QKI: variants seen among roughly 807,000 people sequenced by gnomAD.
The protein encoded by QKI is KH domain-containing RNA-binding protein QKI.
In QKI, 10 loss-of-function variants were observed where a neutral mutation model predicts 39.0. The ratio of observed to expected loss-of-function variants is 0.26; its 90% CI spans 0.16 to 0.43. The LOEUF (loss-of-function observed/expected upper bound fraction) is 0.43. Among genes scored for constraint, QKI ranks in the 20% least tolerant of loss-of-function variants. The pLI is 1.00. For synonymous variants in QKI, 204 were observed against 155.4 expected (o/e 1.31, Z -2.33); for missense variants, 218 against 428.0 (o/e 0.51, Z 4.33).
intron 1 of QKI, among the ~76,000 whole-genome samples, chr6:163,441,347 A>G (rs1197466450): frequency 1.3e-5 from 2 of 152,204 alleles, no homozygotes; most frequent in African/African-American, 2.4e-5. Context: ...TAAGCTAGCT[A>G]GAATTGTCAA....
chr6:163,485,661 A>G (rs1777616320), intron 3 of QKI, among the ~76,000 whole-genome samples: 1 of 151,926 alleles, frequency 6.6e-6, no homozygotes, highest in Non-Finnish European at 1.5e-5. Flanking sequence ...CTTCTCTCCC[A>G]TTGTGTTGAT....
chr6:163,443,233 T>C (rs948776421), intron 1 of QKI, among the ~76,000 whole-genome samples: 2 of 152,250 alleles, frequency 1.3e-5, no homozygotes, highest in Non-Finnish European at 2.9e-5. Flanking sequence ...CTTGTTGTAG[T>C]TCCTTTTGGA....
intron 3 of QKI, among the ~76,000 whole-genome samples, chr6:163,529,430 A>G (rs1005357386): frequency 4.6e-5 from 7 of 152,240 alleles, no homozygotes; most frequent in Admixed American, 3.9e-4. Flanking sequence ...TGTCAAGAGT[A>G]TGAAAATCAG....
intron 4 of QKI, among the ~76,000 whole-genome samples, chr6:163,544,388 T>A (rs1316033344): frequency 1.3e-5 from 2 of 152,034 alleles, no homozygotes; most frequent in Non-Finnish European, 2.9e-5. Context: ...CTGGAACCAG[T>A]TCCCCGCAGA....
intron 4 of QKI, among the ~76,000 whole-genome samples, chr6:163,544,557 A>G (rs1039236945): frequency 2.0e-5 from 3 of 152,048 alleles, no homozygotes; most frequent in Admixed American, 6.6e-5. Context: ...ACTCATCCTC[A>G]AGATATCAGT....
chr6:163,465,779 A>T (rs1023733336), intron 2 of QKI, among the ~76,000 whole-genome samples: 1 of 152,144 alleles, frequency 6.6e-6, no homozygotes, highest in African/African-American at 2.4e-5. Context: ...ACAAAAATCA[A>T]CATACAAAAA....
intron 3 of QKI, among the ~76,000 whole-genome samples, chr6:163,481,063 G>A (rs527640955): frequency 1.3e-5 from 2 of 152,230 alleles, no homozygotes; most frequent in Admixed American, 6.5e-5. Flanking sequence ...TAAAAGTAAA[G>A]TCAGAATGGA....
chr6:163,415,914 A>G (rs1259598873), intron 1 of QKI: 1 of 513,550 alleles, frequency 1.9e-6, no homozygotes, highest in Non-Finnish European at 3.9e-6. Context: ...GGGGCTCGTT[A>G]GTTTAAAGAA....
rs78790539 is a variant in QKI, at chr6:163,489,185, G to C, written c.402+10289G>C. On this transcript the variant is annotated intron_variant, in intron 3 of 7. Coordinates refer to ENST00000361752, the MANE Select transcript of QKI (RefSeq NM_006775.3). ...TTTTTTTTTTTTGCCGTTACAAAAAGGTATAGTGCTGTGTTGAAAAGTGTT... is the reference window on the plus strand; with the variant it reads ...TTTTTTTTTTTTGCCGTTACAAAAACGTATAGTGCTGTGTTGAAAAGTGTT... 7.9e-3 allele frequency among the ~76,000 whole-genome samples: 1,172 copies of C among 148,388 alleles called. 17 individuals carry two copies. Among genetic ancestry groups the C allele is most frequent in the African/African-American group, 0.028 (1,109 of 40,180 alleles).
intron 1 of QKI, among the ~76,000 whole-genome samples, chr6:163,426,016 A>G (rs1788374081): frequency 6.6e-6 from 1 of 152,228 alleles, no homozygotes; most frequent in African/African-American, 2.4e-5. Flanking sequence ...TTCTATCCCT[A>G]GAGAGATACA....
chr6:163,463,955 C>T lies in QKI; in HGVS notation c.285+8534C>T, dbSNP rs1226393674. ...CCCTGTAACACTTCTTTTCTTATTTCTTCCTTCCCACCAAACATGCTCAGC... is the reference window on the plus strand; with the variant it reads ...CCCTGTAACACTTCTTTTCTTATTTTTTCCTTCCCACCAAACATGCTCAGC... On this transcript the variant is annotated intron_variant, in intron 2 of 7. Coordinates refer to ENST00000361752, the MANE Select transcript of QKI (RefSeq NM_006775.3). Among the ~76,000 whole-genome samples, 5 of 152,234 alleles carry T rather than the reference C, an allele frequency of 3.3e-5. No homozygotes were observed. In the East Asian group the frequency reaches 9.6e-4, roughly 29 times the overall value.
At chr6:163,427,243 C>CTTTTTT (rs11375326) in intron 1 of QKI, among the ~76,000 whole-genome samples, 83 of 85,790 alleles carry the variant, frequency 9.7e-4, no homozygotes, top group East Asian at 2.2e-3. Flanking sequence ...ATACTCGTAC[C>CTTTTTT]TTTTTTTTTT....
rs1783186118 is a variant in QKI at position 163,563,851 on chromosome 6, T to A, written c.934+132T>A. On this transcript the variant is annotated intron_variant, in intron 6 of 7. Transcript: ENST00000361752. Reference sequence around the variant, plus strand: ...CATTAGGGAAGACCGAAAACTAAATTTTGTTTTATTTCAGCCTCTCATAAG... The same window carrying A: ...CATTAGGGAAGACCGAAAACTAAATATTGTTTTATTTCAGCCTCTCATAAG... The A allele has an allele frequency of 2.7e-6, 4 of 1,455,132 alleles. No homozygotes were observed. The Middle Eastern group carries it at 1.0e-3, about 374-fold the overall frequency. 90.1% of individuals were successfully genotyped at this position (1,455,132 alleles called of 1,614,324 possible).
chr6:163,566,783 A>G lies in QKI; in HGVS notation c.997A>G (p.Thr333Ala). The stretch of plus-strand genomic sequence containing the variant: ...TGTCCATCCTTACCAAAGGATTGTG[A>G]CCGCAGACCGAGGTTAGTTTAGTTC... ...MRVHPYQRIVTADRAATGN is the reference protein window; with the variant it reads ...MRVHPYQRIVAADRAATGN Residue 333 changes from threonine (T) to alanine (A), a missense_variant, in exon 7 of 8, where the codon ACC becomes GCC. Thr to Ala is a moderately conservative substitution (Grantham distance 58, BLOSUM62 0). Coordinates refer to ENST00000361752, the MANE Select transcript of QKI (RefSeq NM_006775.3). 6.2e-7 allele frequency: 1 copy of G among 1,613,752 alleles called. No homozygotes were observed. Among genetic ancestry groups the G allele is most frequent in the Non-Finnish European group, 8.5e-7 (1 of 1,179,826 alleles).
At chr6:163,533,781 A>AT (rs1336587505) in intron 3 of QKI, among the ~76,000 whole-genome samples, 303 of 149,838 alleles carry the variant, frequency 2.0e-3, no homozygotes, top group African/African-American at 5.4e-3. Flanking sequence ...ATTGTGTCTG[A>AT]TTTTTTTTTT....
At chr6:163,416,715 T>C (rs1787536878) in intron 1 of QKI, among the ~76,000 whole-genome samples, 1 of 152,222 alleles carries the variant, frequency 6.6e-6, no homozygotes. Context: ...GTGTTACGGC[T>C]TTCTCGTCGT....
chr6:163,566,547 G>A, intron 6 of QKI, 174 bp from the exon 7 acceptor site: 1 of 1,460,304 alleles, frequency 6.8e-7, no homozygotes, highest in Non-Finnish European at 9.0e-7. Flanking sequence ...ATTAATAGAT[G>A]CATATATACA....
chr6:163,533,681 TCA>T (rs1387652103), intron 3 of QKI, among the ~76,000 whole-genome samples: 1 of 152,190 alleles, frequency 6.6e-6, no homozygotes, highest in Admixed American at 6.5e-5. Flanking sequence ...AGCTGGTGGT[TCA>T]CACAGTGTCG....
At chr6:163,428,222 A>G (rs148131715) in intron 1 of QKI, among the ~76,000 whole-genome samples, 234 of 152,330 alleles carry the variant, frequency 1.5e-3, no homozygotes, top group African/African-American at 5.1e-3. Context: ...TTAAGAGACT[A>G]TATGTTGGTA....
Sources: gnomAD v4.1 joint callset for allele counts (sites outside exome capture counted in the v4.1 genomes callset) on GRCh38, gnomAD v4.1.1 for gene constraint, MANE v1.5 for transcripts, NCBI Gene and HGNC (gene_info 2026-07-23, HGNC 2026-07-21) for gene names.